The following SLIT1 variants were observed in gnomAD, a reference collection of about 807,000 sequenced individuals.
SLIT1 encodes the protein slit guidance ligand 1.
A neutral mutation model predicts 186.1 loss-of-function variants in SLIT1; 66 were observed. The observed-to-expected ratio is 0.35, with a 90% CI of 0.29 to 0.44. The LOEUF (loss-of-function observed/expected upper bound fraction) is 0.44, where lower values mean the gene tolerates loss of function less well. SLIT1 is among the 20% of genes least tolerant of loss of function. SLIT1 has a pLI of 1.00. For synonymous variants in SLIT1, 761 were observed against 833.8 expected (o/e 0.91, Z 1.50); for missense variants, 1,638 against 2,037.4 (o/e 0.80, Z 3.77).
At chr10:97,170,913 T>C (rs1258890958) in intron 1 of SLIT1, among the ~76,000 whole-genome samples, 3 of 152,160 alleles carry the variant, frequency 2.0e-5, no homozygotes, top group East Asian at 3.9e-4. Flanking sequence ...CCTCTCGGGC[T>C]GTTCTGGGGG....
In SLIT1 at chr10:97,002,380, C is replaced by A; in HGVS notation, c.4155-11G>T. The A allele has an allele frequency of 6.3e-7, 1 of 1,581,816 alleles. No homozygotes were observed. The highest frequency in any genetic ancestry group is 8.6e-7 in the Non-Finnish European group (1 of 1,164,360). ...TGCCCATGGACACACCTGGAGGAGA[C>A]AGAGAAAAGGCGCTGTGAGGACAAA... On this transcript the variant is annotated splice_polypyrimidine_tract_variant and intron_variant, in intron 35 of 36. Transcript: ENST00000266058.
intron 28 of SLIT1, among the ~76,000 whole-genome samples, chr10:97,017,339 C>T (rs528807259): frequency 1.3e-5 from 2 of 152,238 alleles, no homozygotes; most frequent in Admixed American, 1.3e-4. Flanking sequence ...CAGAGGCAGG[C>T]TCAGCCATTT....
intron 4 of SLIT1, among the ~76,000 whole-genome samples, chr10:97,140,622 G>A (rs896503898): frequency 1.3e-5 from 2 of 152,144 alleles, no homozygotes; most frequent in African/African-American, 2.4e-5. Context: ...GGCCTTTGTT[G>A]AAGGAGCAGA....
intron 36 of SLIT1, among the ~76,000 whole-genome samples, 154 bp from the exon 37 acceptor site, chr10:97,001,504 G>A (rs754489478): frequency 5.3e-5 from 8 of 152,108 alleles, no homozygotes; most frequent in Admixed American, 3.3e-4. Context: ...GCATACTTCC[G>A]CCTCCCACTG....
chr10:97,013,620 G>C (rs1327910212), intron 30 of SLIT1, 121 bp downstream of exon 30: 1 of 735,686 alleles, frequency 1.4e-6, no homozygotes, highest in East Asian at 2.7e-5. Context: ...ACCCTGTAGA[G>C]CTGAGACCAA....
chr10:97,129,941 C>T (rs1047521214), intron 4 of SLIT1, among the ~76,000 whole-genome samples: 1 of 152,130 alleles, frequency 6.6e-6, no homozygotes, highest in African/African-American at 2.4e-5. Context: ...ACAAAACCCA[C>T]AACTACTCAC....
At chr10:97,171,923 T>C (rs1166362155) in intron 1 of SLIT1, among the ~76,000 whole-genome samples, 1 of 152,094 alleles carries the variant, frequency 6.6e-6, no homozygotes, top group Non-Finnish European at 1.5e-5. Flanking sequence ...TGCTACTCCA[T>C]CTGCCTGGAA....
chr10:97,151,745 C>CA (rs1849883033), intron 4 of SLIT1, among the ~76,000 whole-genome samples: 1 of 152,148 alleles, frequency 6.6e-6, no homozygotes, highest in Non-Finnish European at 1.5e-5. Context: ...AAAGTGCTGA[C>CA]CTCGTAGAGT....
At position 97,001,261 on chromosome 10, in the gene SLIT1, C is replaced by G; in HGVS notation, c.4456G>C (p.Val1486Leu). The G allele has an allele frequency of 1.2e-6, 2 of 1,613,254 alleles. No homozygotes were observed. The highest frequency in any genetic ancestry group is 1.7e-6 in the Non-Finnish European group (2 of 1,179,994). ...CCTGGGCACGAGCCCCGGCACTCCA[C>G]CCATGACAGGGGGCGCGTGGTCTGG... ...ICQTTRPLSW[V>L]ECRGSCPGQG... is the part of the protein sequence containing the mutation. Residue 1486 changes from valine (V) to leucine (L), a missense_variant, in exon 37 of 37, where the codon GTG becomes CTG. Physicochemically the swap from Val to Leu is conservative, Grantham distance 32. This residue lies in a region of SLIT1 where 220 missense variants were observed against 211.3 expected (regional missense o/e 1.04). Transcript: ENST00000266058.
chr10:97,027,233 G>A (rs141153862), intron 25 of SLIT1, among the ~76,000 whole-genome samples: 6 of 152,358 alleles, frequency 3.9e-5, no homozygotes, highest in Non-Finnish European at 8.8e-5. Flanking sequence ...AGTGAATGTA[G>A]TGGGTCTATG....
Position 97,000,470 on chromosome 10 carries a change from C to T in SLIT1, c.*642G>A, listed in dbSNP as rs1331031729. 6.6e-6 allele frequency: 1 copy of T among 152,488 alleles called. No homozygotes were observed. Among genetic ancestry groups the T allele is most frequent in the Non-Finnish European group, 1.5e-5 (1 of 68,246 alleles). 9.4% of individuals were successfully genotyped at this position (152,488 alleles called of 1,614,324 possible). A position where few individuals can be genotyped will look rare whatever the true frequency, so the allele number is the denominator to read the frequency against. On this transcript the variant is annotated 3_prime_UTR_variant, in exon 37 of 37. Coordinates refer to ENST00000266058, the MANE Select transcript of SLIT1 (RefSeq NM_003061.3). ...TTCAGAGGCCTGGTCCTAAGAACCA[C>T]CTCCACCCACAGCCTCGTTCCCAAG... is the stretch of plus-strand genomic sequence containing the variant.
chr10:97,042,073 G>A (rs1359737967), intron 20 of SLIT1, among the ~76,000 whole-genome samples: 1 of 152,080 alleles, frequency 6.6e-6, no homozygotes, highest in East Asian at 1.9e-4. Context: ...TATTCTTAGA[G>A]AATTCATTAA....
intron 16 of SLIT1, among the ~76,000 whole-genome samples, chr10:97,047,285 C>T (rs994912331): frequency 4.6e-5 from 7 of 152,140 alleles, no homozygotes; most frequent in African/African-American, 7.2e-5. Flanking sequence ...AATTTACAGA[C>T]GTAAATGACA....
intron 25 of SLIT1, among the ~76,000 whole-genome samples, chr10:97,024,623 T>A (rs9665344): frequency 0.37 from 55,658 of 152,208 alleles, 13,773 homozygotes; most frequent in African/African-American, 0.69. Context: ...CAGGAATTTT[T>A]AAATGGTGGT....
intron 23 of SLIT1, among the ~76,000 whole-genome samples, chr10:97,032,316 C>G (rs1848598447): frequency 6.6e-6 from 1 of 152,098 alleles, no homozygotes; most frequent in Non-Finnish European, 1.5e-5. Flanking sequence ...CTCTTGTAAT[C>G]CCAGCACTTT....
In SLIT1 at chr10:97,039,999, A is replaced by G; in HGVS notation, c.2286T>C (p.Asn762=). 1 of 1,613,788 alleles carries G rather than the reference A, an allele frequency of 6.2e-7. No homozygotes were observed. The highest frequency in any genetic ancestry group is 1.1e-5 in the South Asian group (1 of 91,070). The stretch of plus-strand genomic sequence containing the variant: ...CTTGAGCTACTCACAGTTCTGTGAC[A>G]TTCTTGGGAATGCCCTTGGGCAGGG... The part of the protein sequence containing the change: ...LRALPKGIPK[N]VTELYLDGNQ... The change falls in exon 21 of 37, where the codon AAT becomes AAC. Residue 762 remains asparagine (N), a synonymous_variant. Coordinates refer to ENST00000266058, the MANE Select transcript of SLIT1 (RefSeq NM_003061.3).
chr10:97,131,749 G>A (rs1002012955), intron 4 of SLIT1, among the ~76,000 whole-genome samples: 13 of 152,338 alleles, frequency 8.5e-5, no homozygotes, highest in South Asian at 2.1e-4. Context: ...TTTTCCGGTA[G>A]TCATGATAAT....
intron 4 of SLIT1, among the ~76,000 whole-genome samples, chr10:97,084,924 C>CTTT (rs34001660): frequency 0.053 from 6,720 of 126,116 alleles, 313 homozygotes; most frequent in Non-Finnish European, 0.081. Flanking sequence ...CTTTTCTTTC[C>CTTT]TTTTTTTTTT....
At position 97,084,701 on chromosome 10, in the gene SLIT1, G is replaced by T. The variant is rs142035665; in HGVS notation, c.414-18615C>A. Among the ~76,000 whole-genome samples the T allele has an allele frequency of 1.2e-3, 180 of 152,084 alleles. 1 individual carries two copies. In the East Asian group the frequency reaches 0.024, roughly 20 times the overall value. ...ACTCACTGCAATCTCCACCTCCTGAGTTCAAGCAATTCTCATGCCTCAGCC... is the reference window on the plus strand; with the variant it reads ...ACTCACTGCAATCTCCACCTCCTGATTTCAAGCAATTCTCATGCCTCAGCC... On this transcript the variant is annotated intron_variant, in intron 4 of 36. Coordinates refer to ENST00000266058, the MANE Select transcript of SLIT1 (RefSeq NM_003061.3).
Sources: gnomAD v4.1 joint callset for allele counts (sites outside exome capture counted in the v4.1 genomes callset) on GRCh38, gnomAD v4.1.1 for gene constraint, gnomAD v4.1.1 regional missense constraint, MANE v1.5 for transcripts, NCBI Gene and HGNC (gene_info 2026-07-23, HGNC 2026-07-21) for gene names.